PDE4D: variants seen among roughly 807,000 people sequenced by gnomAD.
The protein encoded by PDE4D is 3',5'-cyclic-AMP phosphodiesterase 4D.
In PDE4D, 24 loss-of-function variants were observed where a neutral mutation model predicts 87.4. The ratio of observed to expected loss-of-function variants is 0.27; its 90% CI spans 0.20 to 0.39. The LOEUF (loss-of-function observed/expected upper bound fraction) is 0.39. PDE4D is among the 10% of genes least tolerant of loss of function. The pLI is 1.00. For missense variants in PDE4D, 714 were observed against 1,041.0 expected (o/e 0.69, Z 4.32); for synonymous variants, 384 against 383.2 (o/e 1.00, Z -0.02).
At chr5:59,041,893 A>G (rs1321173734) in intron 5 of PDE4D, among the ~76,000 whole-genome samples, 1 of 152,228 alleles carries the variant, frequency 6.6e-6, no homozygotes, top group Admixed American at 6.5e-5. Flanking sequence ...CATGCACTTT[A>G]TACACAGGAT....
intron 1 of PDE4D, among the ~76,000 whole-genome samples, chr5:59,513,054 C>T (rs918997278): frequency 6.6e-6 from 1 of 151,936 alleles, no homozygotes; most frequent in Non-Finnish European, 1.5e-5. Context: ...ATATGAAGGG[C>T]AAAATATTCA....
rs573169434 is a variant in PDE4D, at chr5:60,359,142, C to T, written c.-90+128800G>A. On this transcript the variant is annotated intron_variant, in intron 1 of 16. Transcript: ENST00000502484. ...TTGTTATAGGCAGGGCACTGTGGCT[C>T]ACGCCTGTAGTCCCAGCACTTTGAG... 3.9e-5 allele frequency among the ~76,000 whole-genome samples: 6 copies of T among 152,324 alleles called. No homozygotes were observed. The South Asian group carries it at 1.0e-3, about 26-fold the overall frequency.
intron 2 of PDE4D, among the ~76,000 whole-genome samples, chr5:60,039,998 A>T (rs960858049): frequency 1.3e-5 from 2 of 152,220 alleles, no homozygotes; most frequent in Non-Finnish European, 2.9e-5. Flanking sequence ...TTAGAAATAT[A>T]TTTTGAATGC....
chr5:59,778,642 A>T (rs778403904), intron 1 of PDE4D, among the ~76,000 whole-genome samples: 10 of 152,218 alleles, frequency 6.6e-5, no homozygotes, highest in Non-Finnish European at 1.0e-4. Flanking sequence ...ACCCCTGGTG[A>T]AAACACTTCA....
intron 2 of PDE4D, among the ~76,000 whole-genome samples, chr5:60,180,409 G>A (rs1582986542): frequency 6.6e-6 from 1 of 152,168 alleles, no homozygotes; most frequent in Non-Finnish European, 1.5e-5. Flanking sequence ...CTACTAAACA[G>A]GGTGCCCACA....
intron 1 of PDE4D, among the ~76,000 whole-genome samples, chr5:59,827,619 G>T (rs1477499564): frequency 6.6e-6 from 1 of 152,106 alleles, no homozygotes; most frequent in East Asian, 1.9e-4. Flanking sequence ...TACTCATCAA[G>T]AAAATATAAT....
chr5:59,952,734 G>T (rs533861082), intron 3 of PDE4D, among the ~76,000 whole-genome samples: 1 of 152,282 alleles, frequency 6.6e-6, no homozygotes, highest in East Asian at 1.9e-4. Flanking sequence ...CTATGAGGAA[G>T]TTCAAACTAA....
At chr5:59,051,212 A>C (rs946869276) in intron 5 of PDE4D, among the ~76,000 whole-genome samples, 4 of 152,194 alleles carry the variant, frequency 2.6e-5, no homozygotes, top group African/African-American at 9.7e-5. Flanking sequence ...TCTCTACTAA[A>C]AATACAAAAA....
intron 6 of PDE4D, among the ~76,000 whole-genome samples, chr5:59,024,049 G>C (rs541101827): frequency 3.6e-4 from 55 of 150,722 alleles, no homozygotes; most frequent in African/African-American, 1.2e-3. Context: ...TAACAGACAT[G>C]CACCACCACA....
intron 1 of PDE4D, among the ~76,000 whole-genome samples, chr5:59,748,559 C>A (rs1259985824): frequency 2.0e-5 from 3 of 149,386 alleles, no homozygotes; most frequent in Non-Finnish European, 3.0e-5. Flanking sequence ...GGACAAAAAA[C>A]CAAATATCAC....
At chr5:60,518,005 C>T (rs1456137903) in intron 1 of PDE4D, among the ~76,000 whole-genome samples, 3 of 152,238 alleles carry the variant, frequency 2.0e-5, no homozygotes, top group African/African-American at 7.2e-5. Flanking sequence ...CTTTGGGGCT[C>T]TGTAGTTCCT....
chr5:59,407,288 TC>T (rs1791858037), intron 1 of PDE4D, among the ~76,000 whole-genome samples: 1 of 152,184 alleles, frequency 6.6e-6, no homozygotes, highest in African/African-American at 2.4e-5. Context: ...CTCTTCAGCT[TC>T]CACCATGATT....
chr5:60,267,566 C>T (rs1381130722), intron 1 of PDE4D, among the ~76,000 whole-genome samples: 1 of 152,122 alleles, frequency 6.6e-6, no homozygotes, highest in Non-Finnish European at 1.5e-5. Context: ...ACCACCACCA[C>T]CTACTTCACA....
chr5:60,070,308 G>A lies in PDE4D; in HGVS notation c.43-81591C>T, dbSNP rs1361979002. On this transcript the variant is annotated intron_variant, in intron 2 of 16. Coordinates refer to the PDE4D transcript ENST00000502484. ...TCGGTTTTTCACCATTGAGTATGACGTTAGTGATGGGCATTTAATATATGG... is the reference window on the plus strand; with the variant it reads ...TCGGTTTTTCACCATTGAGTATGACATTAGTGATGGGCATTTAATATATGG... Among the ~76,000 whole-genome samples the A allele has an allele frequency of 3.3e-5, 5 of 152,010 alleles. No individual in the cohort carries two copies. In the East Asian group the frequency reaches 5.8e-4, roughly 18 times the overall value.
intron 1 of PDE4D, among the ~76,000 whole-genome samples, chr5:59,676,089 A>G (rs948077315): frequency 3.5e-5 from 5 of 141,364 alleles, no homozygotes; most frequent in African/African-American, 1.4e-4. Flanking sequence ...AGATATATGT[A>G]TATGTATATA....
chr5:59,385,711 T>C (rs938938122), intron 1 of PDE4D, among the ~76,000 whole-genome samples: 3 of 152,008 alleles, frequency 2.0e-5, no homozygotes, highest in Admixed American at 6.6e-5. Flanking sequence ...TAGTATAGAG[T>C]CCTAACCCCT....
chr5:59,973,135 A>G (rs1035200761), intron 3 of PDE4D, among the ~76,000 whole-genome samples: 2 of 152,146 alleles, frequency 1.3e-5, no homozygotes, highest in Non-Finnish European at 2.9e-5. Flanking sequence ...AGTACCTCAA[A>G]CTGTGTCTGT....
At chr5:59,442,591 T>A (rs1192011182) in intron 1 of PDE4D, among the ~76,000 whole-genome samples, 2 of 152,206 alleles carry the variant, frequency 1.3e-5, no homozygotes, top group African/African-American at 4.8e-5. Flanking sequence ...CAGCGGTGAT[T>A]TAACAACATG....
intron 1 of PDE4D, among the ~76,000 whole-genome samples, chr5:59,617,612 C>G (rs1052021874): frequency 3.3e-5 from 5 of 152,156 alleles, no homozygotes; most frequent in Non-Finnish European, 5.9e-5. Flanking sequence ...GAGACAAACA[C>G]GTACACAGAA....
Sources: gnomAD v4.1 joint callset for allele counts (sites outside exome capture counted in the v4.1 genomes callset) on GRCh38, gnomAD v4.1.1 for gene constraint, MANE v1.5 for transcripts, NCBI Gene and HGNC (gene_info 2026-07-23, HGNC 2026-07-21) for gene names.